Variants in INPP4A observed in about 807,000 individuals in gnomAD.
INPP4A encodes the protein inositol polyphosphate-4-phosphatase type I A.
INPP4A carries 33 observed loss-of-function variants against 119.8 expected under a neutral mutation model. The ratio of observed to expected loss-of-function variants is 0.28; its 90% CI spans 0.21 to 0.37. The LOEUF is 0.37. INPP4A is among the 10% of genes least tolerant of loss of function. The pLI is 1.00. For synonymous variants in INPP4A, 496 were observed against 500.7 expected, an observed-to-expected ratio of 0.99 and a Z score of 0.12; for missense variants, 956 against 1,289.9, an observed-to-expected ratio of 0.74 and a Z score of 3.97.
chr2:98,587,552 G>T lies in INPP4A; in HGVS notation c.2863G>T (p.Ala955Ser). Reference sequence around the variant, plus strand: ...TGCATTTAATTCCCTGCAGCTGAAGGCTTTCCCCAAGCATTACAGGCCTCC... The same window carrying T: ...TGCATTTAATTCCCTGCAGCTGAAGTCTTTCCCCAAGCATTACAGGCCTCC... ...KYAFNSLQLK[A>S]FPKHYRPPEG... Residue 955 changes from alanine (A) to serine (S), a missense_variant, in exon 25 of 25, where the codon GCT (alanine) becomes TCT (serine). Transcript: ENST00000409851. 6.2e-7 allele frequency: 1 copy of T among 1,609,270 alleles called. No individual in the cohort carries two copies. Among genetic ancestry groups the T allele is most frequent in the Non-Finnish European group, 8.5e-7 (1 of 1,178,438 alleles).
intron 1 of INPP4A, among the ~76,000 whole-genome samples, chr2:98,449,079 T>C (rs2104418480): frequency 6.6e-6 from 1 of 152,342 alleles, no homozygotes; most frequent in Non-Finnish European, 1.5e-5. Flanking sequence ...CTGCTAACTT[T>C]GATCACTTGA....
intron 24 of INPP4A, chr2:98,581,715 C>G: frequency 6.2e-7 from 1 of 1,613,092 alleles, no homozygotes; most frequent in Non-Finnish European, 8.5e-7. Context: ...GTGGCTCTTT[C>G]TGAGCATAGC....
chr2:98,511,207 G>T (rs934384016), intron 1 of INPP4A, among the ~76,000 whole-genome samples: 1 of 152,066 alleles, frequency 6.6e-6, no homozygotes, highest in Non-Finnish European at 1.5e-5. Flanking sequence ...CTACAGGCAC[G>T]TGCCACCACG....
At chr2:98,488,930 A>G (rs900065851) in intron 1 of INPP4A, among the ~76,000 whole-genome samples, 1 of 143,672 alleles carries the variant, frequency 7.0e-6, no homozygotes. Context: ...TTTTGAGTAC[A>G]TGCACTGTGT....
chr2:98,520,135 G>T lies in INPP4A; in HGVS notation c.87G>T (p.Met29Ile). ...CCACCATCGACGTGGCGGCCGACATGCTGGGCCTCTCTCTGGCAGGTGAGC... is the reference window on the plus strand; with the variant it reads ...CCACCATCGACGTGGCGGCCGACATTCTGGGCCTCTCTCTGGCAGGTGAGC... Reference protein sequence around the residue: ...RASTIDVAADMLGLSLAGNIQ... With the variant: ...RASTIDVAADILGLSLAGNIQ... The change falls in exon 3 of 25, where the codon ATG becomes ATT. Residue 29 changes from methionine (M) to isoleucine (I), a missense_variant. Around this residue, in one of 2 missense-constraint regions of INPP4A, gnomAD observed 652 missense variants for 797.9 expected, o/e 0.82. Transcript: ENST00000409851. The T allele has an allele frequency of 6.4e-7, 1 of 1,560,180 alleles. No homozygotes were observed. The highest frequency in any genetic ancestry group is 1.9e-5 in the Admixed American group (1 of 52,536).
At chr2:98,540,647 C>T (rs776315868) in intron 10 of INPP4A, among the ~76,000 whole-genome samples, 3 of 152,228 alleles carry the variant, frequency 2.0e-5, no homozygotes, top group Non-Finnish European at 2.9e-5. Context: ...CTTCATGCTG[C>T]ACCATCCTGT....
At chr2:98,533,576 G>C (rs555095043) in intron 5 of INPP4A, 81 bp downstream of exon 5, 4 of 826,100 alleles carry the variant, frequency 4.8e-6, no homozygotes, top group Non-Finnish European at 8.4e-6. Flanking sequence ...AGTTACTTGT[G>C]CATCTGTAGC....
chr2:98,486,410 T>C (rs1679543140), intron 1 of INPP4A, among the ~76,000 whole-genome samples: 2 of 152,242 alleles, frequency 1.3e-5, no homozygotes, highest in Admixed American at 1.3e-4. Flanking sequence ...GTCTTTCTCC[T>C]TTCCTTGCTC....
At chr2:98,457,444 G>A (rs1294219821) in intron 1 of INPP4A, among the ~76,000 whole-genome samples, 1 of 152,166 alleles carries the variant, frequency 6.6e-6, no homozygotes, top group Non-Finnish European at 1.5e-5. Context: ...AAATTCCAGG[G>A]CAGTAACTGC....
chr2:98,576,609 G>C (rs1575162134), intron 23 of INPP4A, among the ~76,000 whole-genome samples: 1 of 152,268 alleles, frequency 6.6e-6, no homozygotes, highest in Middle Eastern at 3.4e-3. Context: ...GGTCATATTT[G>C]CCGCCCTCTT....
chr2:98,516,008 T>C (rs1468134212), intron 1 of INPP4A, among the ~76,000 whole-genome samples: 2 of 152,168 alleles, frequency 1.3e-5, no homozygotes, highest in Admixed American at 1.3e-4. Context: ...TTGCTTCTTT[T>C]TTCTTGACCC....
chr2:98,566,845 G>A lies in INPP4A; in HGVS notation c.2420+676G>A, dbSNP rs935509922. Among the ~76,000 whole-genome samples the A allele has an allele frequency of 7.9e-5, 12 of 152,226 alleles. No homozygotes were observed. Among genetic ancestry groups the A allele is most frequent in the Non-Finnish European group, 1.5e-4 (10 of 68,044 alleles). ...TTACTGGCCTTCCACTAGTACATGA[G>A]AATGATTCCTGTGTTGTCATTTATC... On this transcript the variant is annotated intron_variant, in intron 21 of 24. Transcript: ENST00000409851. This position sits in a 1 kb window ranked among gnomAD's most constrained non-coding sequence, Gnocchi z 4.2.
At chr2:98,583,045 GAC>G (rs1699554739) in intron 24 of INPP4A, among the ~76,000 whole-genome samples, 2 of 150,136 alleles carry the variant, frequency 1.3e-5, no homozygotes, top group Admixed American at 1.3e-4. Context: ...GCATATGCCA[GAC>G]ACAGAAAGAT....
chr2:98,533,112 C>T (rs935734444), intron 4 of INPP4A, among the ~76,000 whole-genome samples: 6 of 152,300 alleles, frequency 3.9e-5, no homozygotes, highest in African/African-American at 1.4e-4. Flanking sequence ...CTTTGTGTTC[C>T]ACTCCATGGA....
At chr2:98,459,641 A>G (rs1696784952) in intron 1 of INPP4A, among the ~76,000 whole-genome samples, 1 of 152,212 alleles carries the variant, frequency 6.6e-6, no homozygotes, top group Admixed American at 6.5e-5. Context: ...TGCGAACATC[A>G]TGGATCTGGG....
intron 1 of INPP4A, among the ~76,000 whole-genome samples, chr2:98,495,908 G>C (rs989681921): frequency 1.3e-5 from 2 of 152,224 alleles, no homozygotes; most frequent in Admixed American, 6.5e-5. Flanking sequence ...TTCCCCACAA[G>C]AGACAGCTTT....
chr2:98,486,084 G>C (rs1193936030), intron 1 of INPP4A, among the ~76,000 whole-genome samples: 5 of 152,144 alleles, frequency 3.3e-5, no homozygotes, highest in Admixed American at 1.3e-4. Context: ...TGCTTCCTTG[G>C]GTCTCTGGGA....
chr2:98,523,697 C>A (rs751144420), intron 4 of INPP4A, among the ~76,000 whole-genome samples: 2 of 152,006 alleles, frequency 1.3e-5, no homozygotes, highest in African/African-American at 2.4e-5. Context: ...CCTGGCCACC[C>A]CAGTTTTTTA....
chr2:98,563,773 A>G (rs1575102845), intron 18 of INPP4A, 136 bp downstream of exon 18: 7 of 842,196 alleles, frequency 8.3e-6, no homozygotes, highest in Admixed American at 2.9e-5. Context: ...GGTGCTTTAA[A>G]GGTTATTTAA....
Sources: allele counts gnomAD v4.1 joint callset (sites outside exome capture counted in the v4.1 genomes callset), GRCh38; gene constraint gnomAD v4.1.1; regional missense constraint gnomAD v4.1.1; non-coding constraint Gnocchi (gnomAD v3.1); transcripts MANE v1.5; gene names NCBI Gene and HGNC (gene_info 2026-07-23, HGNC 2026-07-21).